TTN: variants seen among roughly 807,000 people sequenced by gnomAD.
TTN encodes connectin.
Under a neutral mutation model 3,223.0 loss-of-function variants are expected in TTN, and 1,525 were observed. That is an observed-to-expected ratio of 0.47 (90% CI 0.45 to 0.49). The LOEUF (loss-of-function observed/expected upper bound fraction) is 0.49. TTN is among the 20% of genes least tolerant of loss of function. The pLI is 0.00. For synonymous variants in TTN, 14,094 were observed against 15,161.0 expected (o/e 0.93, Z 5.17); for missense variants, 40,786 against 43,424.0 (o/e 0.94, Z 5.40).
At position 178,554,883 on chromosome 2, in the gene TTN, T is replaced by C. The variant is rs887166590; in HGVS notation, c.88576A>G (p.Ile29526Val). The C allele has an allele frequency of 3.7e-6, 6 of 1,613,806 alleles. No homozygotes were observed. The highest frequency in any genetic ancestry group is 5.1e-6 in the Non-Finnish European group (6 of 1,179,860). Residue 29526 changes from isoleucine to valine, a missense_variant, in exon 331 of 363, where the codon ATC (isoleucine) becomes GTC (valine). Ile to Val is a conservative substitution (Grantham distance 29). Coordinates refer to ENST00000589042, the MANE Select transcript of TTN (RefSeq NM_001267550.2). The part of the protein sequence containing the change: ...RNAMGSASAT[I>V]RVQILDKPGP... ...CACCTACCAAGGATCTGTACTCTGA[T>C]GGTGGCTGAGGCTGAGCCCATGGCA...
chr2:178,561,497 G>C lies in TTN; in HGVS notation c.84635C>G (p.Thr28212Ser). ...ATCAAGGCCGGAGACTTTCATTTGA[G>C]TATCAGCAATGAGGATTTTATTTGC... ...SKANKILIAD[T>S]QMKVSGLDEG... The change falls in exon 326 of 363, where the codon ACT becomes AGT. Residue 28212 changes from threonine to serine, a missense_variant. By Grantham distance (58) the Thr-to-Ser change is moderately conservative. Coordinates refer to ENST00000589042, the MANE Select transcript of TTN (RefSeq NM_001267550.2). 6.2e-7 allele frequency: 1 copy of C among 1,613,670 alleles called. No individual in the cohort carries two copies. The highest frequency in any genetic ancestry group is 8.5e-7 in the Non-Finnish European group (1 of 1,179,714).
chr2:178,717,291 C>T lies in TTN; in HGVS notation c.25443G>A (p.Gly8481=), dbSNP rs1414227696. ...CCCAAGTGATTTTGATTGGTGCAGT[C>T]CCAGTTACATGACATTTAAAAGTAC... is the stretch of plus-strand genomic sequence containing the variant. The part of the protein sequence containing the change: ...ESGTFKCHVT[G]TAPIKITWAK... The change falls in exon 88 of 363, where the codon GGG becomes GGA. Residue 8481 remains glycine (G), a synonymous_variant. Coordinates refer to ENST00000589042, the MANE Select transcript of TTN (RefSeq NM_001267550.2). 2 of 1,613,652 alleles carry T rather than the reference C, an allele frequency of 1.2e-6. No individual in the cohort carries two copies. Among genetic ancestry groups the T allele is most frequent in the Non-Finnish European group, 1.7e-6 (2 of 1,179,678 alleles).
Position 178,574,711 on chromosome 2 carries a change from A to G in TTN, c.71421T>C (p.Tyr23807=), listed in dbSNP as rs745999472. Residue 23807 remains tyrosine (Y), a synonymous_variant, in exon 326 of 363, where the codon TAT becomes TAC. Transcript: ENST00000589042. The part of the protein sequence containing the change: ...YQFRVKAQNR[Y]GVGPGITSAC... ...CTGATGTGATGCCTGGTCCAACTCCATATCTATTCTGAGCTTTTACACGGA... is the reference window on the plus strand; with the variant it reads ...CTGATGTGATGCCTGGTCCAACTCCGTATCTATTCTGAGCTTTTACACGGA... 11 of 1,613,258 alleles carry G rather than the reference A, an allele frequency of 6.8e-6. No individual in the cohort carries two copies. Among genetic ancestry groups the G allele is most frequent in the Non-Finnish European group, 4.2e-6 (5 of 1,179,574 alleles).
intron 126 of TTN, 146 bp downstream of exon 126, chr2:178,688,531 A>G: frequency 1.5e-6 from 1 of 669,642 alleles, no homozygotes; most frequent in South Asian, 1.9e-5. Context: ...CCAGAAGGCT[A>G]CAAAAGGTAG....
intron 332 of TTN, 58 bp from the exon 333 acceptor site, chr2:178,554,274 C>A: frequency 6.7e-7 from 1 of 1,491,130 alleles, no homozygotes. Context: ...ATAAATTATA[C>A]CTTTGATGTT....
At chr2:178,803,456 T>C (rs1274273047) in intron 2 of TTN, among the ~76,000 whole-genome samples, 4 of 151,756 alleles carry the variant, frequency 2.6e-5, no homozygotes, top group Middle Eastern at 3.2e-3. Context: ...TTTTCTATTG[T>C]ACATATATAG....
At position 178,641,267 on chromosome 2, in the gene TTN, T is replaced by A; in HGVS notation, c.40607A>T (p.Lys13536Ile). 3 of 1,512,630 alleles carry A rather than the reference T, an allele frequency of 2.0e-6. No individual in the cohort carries two copies. Among genetic ancestry groups the A allele is most frequent in the Non-Finnish European group, 1.8e-6 (2 of 1,132,106 alleles). The allele number at this position is 1,512,630 out of a possible 1,614,324, so 93.7% of individuals were successfully genotyped here. A position where few individuals can be genotyped will look rare whatever the true frequency, so the allele number is the denominator to read the frequency against. ...TGCAGGTTTTTTAACTTTTTCTAGTTTTTTAGGTTCTACTTTAGGTTCTTC... is the reference window on the plus strand; with the variant it reads ...TGCAGGTTTTTTAACTTTTTCTAGTATTTTAGGTTCTACTTTAGGTTCTTC... ...EEEEPKVEPK[K>I]LEKVKKPAVP... The change falls in exon 220 of 363, where the codon AAA becomes ATA. Residue 13536 changes from lysine to isoleucine, a missense_variant. Physicochemically the swap from Lys to Ile is moderately radical, Grantham distance 102. Transcript: ENST00000589042.
intron 71 of TTN, 51 bp from the exon 72 acceptor site, chr2:178,724,589 T>C: frequency 2.0e-6 from 3 of 1,511,238 alleles, no homozygotes; most frequent in Non-Finnish European, 2.7e-6. Flanking sequence ...CTTTACTCTG[T>C]CTCTACTATC....
At chr2:178,637,732 ATATTT>A (rs1316948447) in intron 223 of TTN, among the ~76,000 whole-genome samples, 1 of 152,098 alleles carries the variant, frequency 6.6e-6, no homozygotes, top group East Asian at 1.9e-4. Flanking sequence ...GCTGTGCAAA[ATATTT>A]TATATGTTTA....
chr2:178,670,362 A>G, intron 156 of TTN, 67 bp from the exon 157 acceptor site: 1 of 933,110 alleles, frequency 1.1e-6, no homozygotes, highest in Non-Finnish European at 1.5e-6. Context: ...GCAGAGCATG[A>G]GAGATATAAA....
chr2:178,790,139 A>C (rs768899256), intron 11 of TTN, 24 bp from the exon 12 acceptor site: 2 of 1,606,188 alleles, frequency 1.2e-6, no homozygotes, highest in East Asian at 4.5e-5. Flanking sequence ...AGAAAGTAAG[A>C]AAATAGTCAT....
intron 359 of TTN, among the ~76,000 whole-genome samples, chr2:178,529,524 C>T (rs550499841): frequency 3.6e-4 from 55 of 152,168 alleles, no homozygotes; most frequent in African/African-American, 1.3e-3. Flanking sequence ...TTTTGAGTAA[C>T]CAAAACATTA....
intron 103 of TTN, 77 bp downstream of exon 103, chr2:178,705,097 C>A: frequency 6.3e-7 from 1 of 1,582,252 alleles, no homozygotes; most frequent in Admixed American, 1.8e-5. Flanking sequence ...CTATAGGATT[C>A]TGGTAATTCA....
Position 178,617,721 on chromosome 2 carries a change from G to C in TTN, c.47572+58C>G, listed in dbSNP as rs1243224023. On this transcript the variant is annotated intron_variant, in intron 253 of 362. Coordinates refer to ENST00000589042, the MANE Select transcript of TTN (RefSeq NM_001267550.2). Reference sequence around the variant, plus strand: ...TCATTTAACTTGATTTATTTTAATTGATAGGCCTAATATCTGGATTTCATG... The same window carrying C: ...TCATTTAACTTGATTTATTTTAATTCATAGGCCTAATATCTGGATTTCATG... 6 of 1,561,318 alleles carry C rather than the reference G, an allele frequency of 3.8e-6. No homozygotes were observed. In the East Asian group the frequency reaches 1.4e-4, roughly 35 times the overall value.
At position 178,541,466 on chromosome 2, in the gene TTN, C is replaced by T. The variant is rs776004997; in HGVS notation, c.97611G>A (p.Glu32537=). The part of the protein sequence containing the change: ...GGSQVTGYIV[E]RKEVRADRWV... The stretch of plus-strand genomic sequence containing the variant: ...ATCGATCTGCTCTCACTTCTTTGCG[C>T]TCCACAATATATCCAGTCACTTGGG... The change falls in exon 350 of 363, where the codon GAG becomes GAA. Residue 32537 remains glutamate, a synonymous_variant. Coordinates refer to ENST00000589042, the MANE Select transcript of TTN (RefSeq NM_001267550.2). The T allele has an allele frequency of 5.6e-6, 9 of 1,613,520 alleles. No individual in the cohort carries two copies. The highest frequency in any genetic ancestry group is 7.6e-6 in the Non-Finnish European group (9 of 1,179,602).
At chr2:178,752,953 A>T (rs968353330) in intron 47 of TTN, among the ~76,000 whole-genome samples, 171 bp downstream of exon 47, 1 of 152,062 alleles carries the variant, frequency 6.6e-6, no homozygotes, top group Admixed American at 6.6e-5. Flanking sequence ...AATGCATGTA[A>T]CCATCAAAAT....
Position 178,573,247 on chromosome 2 carries a change from G to A in TTN, c.72885C>T (p.Phe24295=), listed in dbSNP as rs958949797. The part of the protein sequence containing the change: ...SGLTEGHEYE[F]RIMAENAAGI... ...CAGCAGCATTTTCAGCCATAATCCTGAACTCATATTCATGTCCTTCTGTCA... is the reference window on the plus strand; with the variant it reads ...CAGCAGCATTTTCAGCCATAATCCTAAACTCATATTCATGTCCTTCTGTCA... The change falls in exon 326 of 363, where the codon TTC becomes TTT. Residue 24295 remains phenylalanine, a synonymous_variant. Coordinates refer to ENST00000589042, the MANE Select transcript of TTN (RefSeq NM_001267550.2). 2 of 1,606,674 alleles carry A rather than the reference G, an allele frequency of 1.2e-6. No homozygotes were observed. The highest frequency in any genetic ancestry group is 2.7e-5 in the African/African-American group (2 of 74,730).
Position 178,527,743 on chromosome 2 carries a change from C to A in TTN, c.107383G>T (p.Val35795Phe). 6.3e-7 allele frequency: 1 copy of A among 1,592,610 alleles called. No homozygotes were observed. The highest frequency in any genetic ancestry group is 1.1e-5 in the South Asian group (1 of 87,792). Residue 35795 changes from valine (V) to phenylalanine (F), a missense_variant, in exon 362 of 363, where the codon GTT becomes TTT. By Grantham distance (50) the Val-to-Phe change is conservative. Coordinates refer to ENST00000589042, the MANE Select transcript of TTN (RefSeq NM_001267550.2). ...ATASLMVLPL[V>F]EEPSREVVLR... ...ACTACCTCTCTGGAAGGTTCTTCAA[C>A]TAGAGCTGTGGAGCATAGCAGATAC...
In TTN at chr2:178,710,710, C is replaced by A. The variant is rs769166539; in HGVS notation, c.28387G>T (p.Asp9463Tyr). 6.2e-7 allele frequency: 1 copy of A among 1,613,746 alleles called. No individual in the cohort carries two copies. Among genetic ancestry groups the A allele is most frequent in the Non-Finnish European group, 8.5e-7 (1 of 1,179,832 alleles). ...GCATAGCAGGTATATTGTCCAGAAT[C>A]TCCTTTGTCTACTTTGAGGACTGTC... ...HLTVLKVDKG[D>Y]SGQYTCYAVN... is the part of the protein sequence containing the mutation. Residue 9463 changes from aspartate (D) to tyrosine (Y), a missense_variant, in exon 98 of 363, where the codon GAT becomes TAT. Transcript: ENST00000589042.
Sources: gnomAD v4.1 joint callset for allele counts (sites outside exome capture counted in the v4.1 genomes callset) on GRCh38, gnomAD v4.1.1 for gene constraint, MANE v1.5 for transcripts, NCBI Gene and HGNC (gene_info 2026-07-23, HGNC 2026-07-21) for gene names.